The following GNL3L variants were observed in gnomAD, a reference collection of about 807,000 sequenced individuals.
GNL3L encodes G protein nucleolar 3 like, also known as guanine nucleotide-binding protein-like 3-like protein.
GNL3L carries 4 observed loss-of-function variants against 42.9 expected under a neutral mutation model. That is an observed-to-expected ratio of 0.09 (90% CI 0.05 to 0.21). The LOEUF is 0.21. GNL3L is among the 10% of genes least tolerant of loss of function. GNL3L has a pLI of 1.00. For synonymous variants in GNL3L, 159 were observed against 176.3 expected (o/e 0.90, Z 0.78); for missense variants, 412 against 481.7 (o/e 0.86, Z 1.36).
In GNL3L at chrX:54,541,169, C is replaced by T. The variant is rs943048634; in HGVS notation, c.190-104C>T. On this transcript the variant is annotated intron_variant, in intron 4 of 15. Coordinates refer to ENST00000360845, the MANE Select transcript of GNL3L (RefSeq NM_001184819.2). ...TCTTCCCTCTCCCTGGACCCTGCTC[C>T]TGCCACCTCTGCCATGTCGCACCAT... The T allele has an allele frequency of 1.1e-5, 6 of 525,790 alleles. No individual in the cohort carries two copies. The African/African-American group carries it at 1.4e-4, about 12-fold the overall frequency. 43.3% of individuals were successfully genotyped at this position (525,790 alleles called of 1,213,427 possible). A position where few individuals can be genotyped will look rare whatever the true frequency, so the allele number is the denominator to read the frequency against.
the GNL3L span, among the ~76,000 whole-genome samples, chrX:54,637,690 G>T: frequency 8.9e-6 from 1 of 112,196 alleles, no homozygotes; most frequent in Non-Finnish European, 1.9e-5. Context: ...AACTGCAAAA[G>T]ATATGTATAA....
chrX:54,583,626 A>T, intron 16 of GNL3L, among the ~76,000 whole-genome samples: 1 of 109,084 alleles, frequency 9.2e-6, no homozygotes, highest in African/African-American at 3.4e-5. Flanking sequence ...GTTTGCATCC[A>T]TTTTGGATTG....
chrX:54,565,855 T>C lies in GNL3L; in HGVS notation c.*5253T>C, dbSNP rs2147503923. Reference sequence around the variant, plus strand: ...TTTTTTTTTTTTTTTTGAAACAGAGTCCTCACCCAGGTTGGAGTGTAGTGG... The same window carrying C: ...TTTTTTTTTTTTTTTTGAAACAGAGCCCTCACCCAGGTTGGAGTGTAGTGG... On this transcript the variant is annotated 3_prime_UTR_variant, in exon 16 of 16. Coordinates refer to ENST00000360845, the MANE Select transcript of GNL3L (RefSeq NM_001184819.2). 1.1e-5 allele frequency among the ~76,000 whole-genome samples: 1 copy of C among 88,470 alleles called. No homozygotes were observed. The highest frequency in any genetic ancestry group is 5.8e-4 in the South Asian group (1 of 1,716). The allele number at this position is 88,470 out of a possible 115,157, so 76.8% of individuals were successfully genotyped here.
intron 2 of GNL3L, among the ~76,000 whole-genome samples, chrX:54,538,212 A>G (rs1372149069): frequency 1.8e-5 from 2 of 111,490 alleles, no homozygotes; most frequent in African/African-American, 6.5e-5. Context: ...AATTTGCAGT[A>G]GAACTTAAGT....
At position 54,548,312 on chromosome X, in the gene GNL3L, G is replaced by C. The variant is rs150423737; in HGVS notation, c.714G>C (p.Arg238Ser). The change falls in exon 9 of 16, where the codon AGG (arginine) becomes AGC (serine). Residue 238 changes from arginine (R) to serine (S), a missense_variant. Physicochemically the swap from Arg to Ser is moderately radical, Grantham distance 110. Coordinates refer to ENST00000360845, the MANE Select transcript of GNL3L (RefSeq NM_001184819.2). ...KACFGAENLM[R>S]VLGNYCRLGE... ...GCTTTGGAGCTGAAAACCTCATGAG[G>C]GTTCTGGGGAACTATTGCCGCCTTG... is the stretch of plus-strand genomic sequence containing the variant. 26 of 1,203,289 alleles carry C rather than the reference G, an allele frequency of 2.2e-5. No homozygotes were observed. The African/African-American group carries it at 3.7e-4, about 17-fold the overall frequency.
intron 16 of GNL3L, among the ~76,000 whole-genome samples, chrX:54,589,184 T>A (rs769421529): frequency 9.0e-6 from 1 of 111,628 alleles, no homozygotes; most frequent in South Asian, 3.8e-4. Context: ...TTACACTCTT[T>A]AAAATGTACA....
chrX:54,532,692 G>C, intron 2 of GNL3L, 107 bp downstream of exon 2: 2 of 651,581 alleles, frequency 3.1e-6, no homozygotes, highest in East Asian at 3.3e-5. Context: ...ATGGAGTCTC[G>C]CTCTGTCACC....
intron 10 of GNL3L, among the ~76,000 whole-genome samples, 188 bp from the exon 11 acceptor site, chrX:54,551,380 G>T (rs2147487584): frequency 8.9e-6 from 1 of 111,842 alleles, no homozygotes; most frequent in Admixed American, 9.5e-5. Flanking sequence ...CAGTGGCAGA[G>T]GATAGATTAG....
chrX:54,594,552 T>C lies in GNL3L; in HGVS notation c.*46-26293T>C, dbSNP rs767885253. Reference sequence around the variant, plus strand: ...ACAGATCATTGGGCCTTTTTTTTTTTTTAAAAAAAAATCTATTCAGCCACT... The same window carrying C: ...ACAGATCATTGGGCCTTTTTTTTTTCTTAAAAAAAAATCTATTCAGCCACT... On this transcript the variant is annotated intron_variant, in intron 16 of 16. Transcript: ENST00000674498. Among the ~76,000 whole-genome samples, 35 of 106,158 alleles carry C rather than the reference T, an allele frequency of 3.3e-4. 1 individual carries two copies. The Admixed American group carries it at 3.5e-3, about 11-fold the overall frequency. 92.2% of individuals were successfully genotyped at this position (106,158 alleles called of 115,157 possible).
At position 54,563,604 on chromosome X, in the gene GNL3L, C is replaced by T. The variant is rs976828078; in HGVS notation, c.*3002C>T. ...TTCAAGACCAGCCTAAACAATATGG[C>T]GAAACCTCATCTCTACCAAAAAAAT... On this transcript the variant is annotated 3_prime_UTR_variant, in exon 16 of 16. Coordinates refer to ENST00000360845, the MANE Select transcript of GNL3L (RefSeq NM_001184819.2). Among the ~76,000 whole-genome samples, 16 of 109,330 alleles carry T rather than the reference C, an allele frequency of 1.5e-4. No individual in the cohort carries two copies. Among genetic ancestry groups the T allele is most frequent in the African/African-American group, 5.5e-4 (16 of 29,272 alleles). The allele number at this position is 109,330 out of a possible 115,157, so 94.9% of individuals were successfully genotyped here. A position where few individuals can be genotyped will look rare whatever the true frequency, so the allele number is the denominator to read the frequency against.
the GNL3L span, among the ~76,000 whole-genome samples, chrX:54,630,223 T>C: frequency 9.0e-6 from 1 of 111,554 alleles, no homozygotes; most frequent in East Asian, 2.8e-4. Context: ...GTTTCATTTA[T>C]CTTTTGTATT....
intron 16 of GNL3L, among the ~76,000 whole-genome samples, chrX:54,594,836 A>G (rs1401294426): frequency 1.8e-5 from 2 of 111,576 alleles, no homozygotes; most frequent in Non-Finnish European, 1.9e-5. Flanking sequence ...TTAACCCATT[A>G]TTTTAAGCTG....
chrX:54,586,839 C>T (rs192347455), intron 16 of GNL3L, among the ~76,000 whole-genome samples: 1 of 111,627 alleles, frequency 9.0e-6, no homozygotes, highest in African/African-American at 3.3e-5. Flanking sequence ...CAGCCCAGTC[C>T]ACCACCAGTG....
intron 2 of GNL3L, among the ~76,000 whole-genome samples, chrX:54,534,059 C>T: frequency 2.4e-5 from 2 of 84,747 alleles, no homozygotes; most frequent in South Asian, 4.6e-4. Flanking sequence ...TTTTTTTTTT[C>T]AATAGAGATG....
rs748112709 is a variant in GNL3L at position 54,558,497 on chromosome X, G to A, written c.1508G>A (p.Arg503His). 1 of 1,208,999 alleles carries A rather than the reference G, an allele frequency of 8.3e-7. No individual in the cohort carries two copies. The highest frequency in any genetic ancestry group is 1.1e-6 in the Non-Finnish European group (1 of 893,075). The change falls in exon 15 of 16, where the codon CGC (arginine) becomes CAC (histidine). Residue 503 changes from arginine to histidine, a missense_variant. Arg to His is a conservative substitution (Grantham distance 29). Coordinates refer to ENST00000360845, the MANE Select transcript of GNL3L (RefSeq NM_001184819.2). ...PNRHQMGWAKRNVDHRPKSNS... is the reference protein window; with the variant it reads ...PNRHQMGWAKHNVDHRPKSNS... ...CGTCATCAGATGGGGTGGGCTAAAC[G>A]CAATGTGGACCACCGCCCTAAGAGC...
downstream of GNL3L, among the ~76,000 whole-genome samples, chrX:54,570,236 A>T (rs1009506736): frequency 2.7e-5 from 3 of 111,860 alleles, no homozygotes; most frequent in African/African-American, 9.7e-5. Flanking sequence ...TGAACCTTTC[A>T]TGCTAGGTGC....
chrX:54,616,073 G>C (rs1368312766), intron 16 of GNL3L, among the ~76,000 whole-genome samples: 1 of 112,824 alleles, frequency 8.9e-6, no homozygotes, highest in African/African-American at 3.2e-5. Flanking sequence ...TGTCTCTCTT[G>C]TGGTATCTAG....
chrX:54,571,319 G>A (rs1478529949), downstream of GNL3L, among the ~76,000 whole-genome samples: 5 of 105,751 alleles, frequency 4.7e-5, no homozygotes, highest in Non-Finnish European at 9.7e-5. Flanking sequence ...TCAGCCTCCC[G>A]AGTAGTTGGG....
chrX:54,559,011 C>T (rs1311144495), intron 15 of GNL3L, among the ~76,000 whole-genome samples: 1 of 111,945 alleles, frequency 8.9e-6, no homozygotes, highest in Admixed American at 9.5e-5. Flanking sequence ...TGTCCAGCTC[C>T]AGTCTAGGGT....
Sources: allele counts gnomAD v4.1 joint callset (sites outside exome capture counted in the v4.1 genomes callset), GRCh38; gene constraint gnomAD v4.1.1; transcripts MANE v1.5; gene names NCBI Gene and HGNC (gene_info 2026-07-23, HGNC 2026-07-21).